PHACTR3: variants seen among roughly 807,000 people sequenced by gnomAD.
PHACTR3 encodes the protein phosphatase and actin regulator 3.
A neutral mutation model predicts 66.8 loss-of-function variants in PHACTR3; 16 were observed. That is an observed-to-expected ratio of 0.24 (90% CI 0.16 to 0.36). The LOEUF is 0.36. Ranked by LOEUF, PHACTR3 falls within the 10% of genes least tolerant of loss-of-function variation. The pLI is 1.00. For synonymous variants in PHACTR3, 323 were observed against 292.1 expected, an observed-to-expected ratio of 1.11 and a Z score of -1.08; for missense variants, 647 against 719.9, an observed-to-expected ratio of 0.90 and a Z score of 1.16.
chr20:59,801,244 C>T (rs2041404897), intron 7 of PHACTR3, among the ~76,000 whole-genome samples: 1 of 152,164 alleles, frequency 6.6e-6, no homozygotes, highest in Non-Finnish European at 1.5e-5. Flanking sequence ...TGGATTGTGG[C>T]CTGGCAACTC....
At chr20:59,804,379 G>A (rs527253103) in intron 7 of PHACTR3, among the ~76,000 whole-genome samples, 2 of 152,294 alleles carry the variant, frequency 1.3e-5, no homozygotes, top group South Asian at 4.1e-4. Flanking sequence ...ATGGGCTTAA[G>A]GACTTGGTTC....
chr20:59,693,032 G>A (rs966980302), intron 1 of PHACTR3, among the ~76,000 whole-genome samples: 1 of 152,204 alleles, frequency 6.6e-6, no homozygotes, highest in East Asian at 1.9e-4. Flanking sequence ...GGTTTGGTTC[G>A]GTTTGAGGAT....
At position 59,700,106 on chromosome 20, in the gene PHACTR3, G is replaced by A. The variant is rs149812043; in HGVS notation, c.119-43001G>A. Among the ~76,000 whole-genome samples, 774 of 152,238 alleles carry A rather than the reference G, an allele frequency of 5.1e-3. 23 individuals carry two copies. Among genetic ancestry groups the A allele is most frequent in the Admixed American group, 0.045 (681 of 15,290 alleles). ...TTGTGGATTTATTCGTGTTATTCAC[G>A]ATATGTGTGTTTGTCACATGAATGA... On this transcript the variant is annotated intron_variant, in intron 1 of 12. Coordinates refer to ENST00000371015, the MANE Select transcript of PHACTR3 (RefSeq NM_080672.5).
intron 1 of PHACTR3, among the ~76,000 whole-genome samples, chr20:59,693,726 G>T (rs114954679): frequency 6.6e-6 from 1 of 152,176 alleles, no homozygotes; most frequent in South Asian, 2.1e-4. Flanking sequence ...GCATGCATCC[G>T]TATTCAACTG....
intron 1 of PHACTR3, among the ~76,000 whole-genome samples, chr20:59,664,040 T>A (rs1181666184): frequency 1.3e-5 from 2 of 152,186 alleles, no homozygotes; most frequent in Admixed American, 1.3e-4. Context: ...TGATTCTCCC[T>A]TTTTCCTAAA....
At chr20:59,579,083 G>A (rs6026974) in intron 1 of PHACTR3, among the ~76,000 whole-genome samples, 76,962 of 152,056 alleles carry the variant, frequency 0.51, 23,009 homozygotes, top group African/African-American at 0.8. Context: ...GTTTTTGGCA[G>A]TGCATGAGTA....
chr20:59,775,219 A>C (rs1344198397), intron 7 of PHACTR3, among the ~76,000 whole-genome samples: 1 of 152,168 alleles, frequency 6.6e-6, no homozygotes, highest in African/African-American at 2.4e-5. Context: ...TTTCCCTCCC[A>C]GCTGGTACTG....
rs74447095 is a variant in PHACTR3, at chr20:59,635,956, C to T, written c.118+30824C>T. ...TATTTCTGTGTTTTTCATGTTTGTC[C>T]AGAGTGGCCACGAGGTCCTCCTAAG... On this transcript the variant is annotated intron_variant, in intron 1 of 12. Coordinates refer to ENST00000371015, the MANE Select transcript of PHACTR3 (RefSeq NM_080672.5). Among the ~76,000 whole-genome samples, 1,415 of 152,246 alleles carry T rather than the reference C, an allele frequency of 9.3e-3. 26 individuals are homozygous for T. Among genetic ancestry groups the T allele is most frequent in the African/African-American group, 0.032 (1,317 of 41,528 alleles).
intron 8 of PHACTR3, among the ~76,000 whole-genome samples, chr20:59,831,090 A>AG (rs1275233573): frequency 6.6e-6 from 1 of 152,046 alleles, no homozygotes; most frequent in African/African-American, 2.4e-5. Flanking sequence ...GGTGTGTCGT[A>AG]GGTGACTGCT....
At chr20:59,612,567 G>A (rs1291710296) in intron 1 of PHACTR3, among the ~76,000 whole-genome samples, 1 of 152,098 alleles carries the variant, frequency 6.6e-6, no homozygotes, top group Non-Finnish European at 1.5e-5. Context: ...TCTGCATTTA[G>A]TAGAGATGGG....
chr20:59,804,100 T>G lies in PHACTR3; in HGVS notation c.1175-1941T>G, dbSNP rs1353174634. On this transcript the variant is annotated intron_variant, in intron 7 of 12. Coordinates refer to ENST00000371015, the MANE Select transcript of PHACTR3 (RefSeq NM_080672.5). ...TATGTCTTTTGGAAATTTCCTCTTT[T>G]GGCTTTTAAGTAGCAAAACCTGGTA... is the stretch of plus-strand genomic sequence containing the variant. Among the ~76,000 whole-genome samples the G allele has an allele frequency of 2.0e-5, 3 of 152,340 alleles. No individual in the cohort carries two copies. The East Asian group carries it at 5.8e-4, about 29-fold the overall frequency.
At chr20:59,798,316 C>G (rs1008997865) in intron 7 of PHACTR3, among the ~76,000 whole-genome samples, 4 of 152,316 alleles carry the variant, frequency 2.6e-5, no homozygotes, top group African/African-American at 7.2e-5. Context: ...GCAAAAGTCC[C>G]TGTCTGTTAA....
intron 8 of PHACTR3, among the ~76,000 whole-genome samples, chr20:59,827,038 G>C (rs2042214003): frequency 6.6e-6 from 1 of 151,968 alleles, no homozygotes; most frequent in Non-Finnish European, 1.5e-5. Context: ...CAGGCACCAG[G>C]TGATTCCTCA....
At chr20:59,714,630 G>A (rs1257849273) in intron 1 of PHACTR3, among the ~76,000 whole-genome samples, 1 of 151,774 alleles carries the variant, frequency 6.6e-6, no homozygotes, top group African/African-American at 2.4e-5. Flanking sequence ...CTACCACTTT[G>A]TTTTTTTTCT....
Position 59,604,688 on chromosome 20 carries a change from T to G in PHACTR3, c.-327T>G. ...CGCAATAAACACTGACAAGAAAAAG[T>G]TTTTATTTCCTGGTTCAACTTTTTT... On this transcript the variant is annotated 5_prime_UTR_variant, in exon 1 of 13. Transcript: ENST00000371015. 1 of 1,017,632 alleles carries G rather than the reference T, an allele frequency of 9.8e-7. No individual in the cohort carries two copies. Among genetic ancestry groups the G allele is most frequent in the Non-Finnish European group, 1.2e-6 (1 of 852,414 alleles). 63.0% of individuals were successfully genotyped at this position (1,017,632 alleles called of 1,614,324 possible). A position where few individuals can be genotyped will look rare whatever the true frequency, so the allele number is the denominator to read the frequency against.
At chr20:59,675,650 C>T (rs539200184) in intron 1 of PHACTR3, among the ~76,000 whole-genome samples, 1 of 152,108 alleles carries the variant, frequency 6.6e-6, no homozygotes, top group Non-Finnish European at 1.5e-5. Context: ...CACTGCAGTG[C>T]CTGGAGACAT....
intron 7 of PHACTR3, among the ~76,000 whole-genome samples, chr20:59,775,158 G>A (rs2040491605): frequency 1.1e-5 from 1 of 91,296 alleles, no homozygotes; most frequent in African/African-American, 2.9e-5. Context: ...AGACCACCCT[G>A]TGATGAAGGG....
intron 1 of PHACTR3, among the ~76,000 whole-genome samples, chr20:59,726,372 G>T (rs1282752588): frequency 1.3e-5 from 2 of 152,160 alleles, no homozygotes; most frequent in Non-Finnish European, 2.9e-5. Flanking sequence ...AATGGGAAGT[G>T]CTTTGCTCAG....
At chr20:59,718,091 C>T (rs74332233) in intron 1 of PHACTR3, among the ~76,000 whole-genome samples, 1,943 of 152,318 alleles carry the variant, frequency 0.013, 32 homozygotes, top group African/African-American at 0.044. Flanking sequence ...CAAAAAGATT[C>T]TCCCTTTTCT....
Sources: gnomAD v4.1 joint callset for allele counts (sites outside exome capture counted in the v4.1 genomes callset) on GRCh38, gnomAD v4.1.1 for gene constraint, MANE v1.5 for transcripts, NCBI Gene and HGNC (gene_info 2026-07-23, HGNC 2026-07-21) for gene names.